The following PTK2B variants were observed in gnomAD, a reference collection of about 807,000 sequenced individuals.
The protein encoded by PTK2B is protein-tyrosine kinase 2-beta.
In PTK2B, 71 loss-of-function variants were observed where a neutral mutation model predicts 142.9. The ratio of observed to expected loss-of-function variants is 0.50; its 90% CI spans 0.41 to 0.61. The LOEUF (loss-of-function observed/expected upper bound fraction) is 0.61. Ranked by LOEUF, PTK2B falls within the 20% of genes least tolerant of loss-of-function variation. PTK2B has a pLI of 0.00. For synonymous variants in PTK2B, 519 were observed against 503.4 expected (o/e 1.03, Z -0.42); for missense variants, 1,105 against 1,320.4 (o/e 0.84, Z 2.53).
chr8:27,359,118 A>G (rs889306030), intron 1 of PTK2B, among the ~76,000 whole-genome samples: 1 of 152,008 alleles, frequency 6.6e-6, no homozygotes, highest in Non-Finnish European at 1.5e-5. Flanking sequence ...TATTGCAAAT[A>G]TATATATTTT....
intron 1 of PTK2B, among the ~76,000 whole-genome samples, chr8:27,353,708 C>T (rs1303805259): frequency 6.6e-6 from 1 of 152,190 alleles, no homozygotes; most frequent in Non-Finnish European, 1.5e-5. Context: ...ATTTCTACTG[C>T]TCAGCTGCAT....
rs960598492 is a variant in PTK2B, at chr8:27,453,280, C to T, written c.2595+120C>T. ...AATCCAGTTCAGTGTCCTCATGATA[C>T]AGATGAAGCCCGGGGTTAGGGGGCG... On this transcript the variant is annotated intron_variant, in intron 28 of 30. Coordinates refer to ENST00000346049, the MANE Select transcript of PTK2B (RefSeq NM_173176.3). 18 of 1,346,778 alleles carry T rather than the reference C, an allele frequency of 1.3e-5. No individual in the cohort carries two copies. In the South Asian group the frequency reaches 2.3e-4, roughly 17 times the overall value. The allele number at this position is 1,346,778 out of a possible 1,614,324, so 83.4% of individuals were successfully genotyped here.
upstream of PTK2B, chr8:27,311,075 G>A: frequency 6.3e-7 from 1 of 1,596,492 alleles, no homozygotes; most frequent in Non-Finnish European, 8.5e-7. Flanking sequence ...GCAGGTGGGC[G>A]ACACCTGCAC....
intron 1 of PTK2B, among the ~76,000 whole-genome samples, chr8:27,369,990 A>G (rs1280420673): frequency 6.6e-6 from 1 of 152,240 alleles, no homozygotes; most frequent in African/African-American, 2.4e-5. Context: ...AAAGAAAGAA[A>G]GAACTTAAGT....
At chr8:27,375,511 G>A (rs1806612196) in intron 1 of PTK2B, among the ~76,000 whole-genome samples, 2 of 152,184 alleles carry the variant, frequency 1.3e-5, no homozygotes, top group African/African-American at 2.4e-5. Context: ...GTTCTGACCT[G>A]TAGATCCAGG....
At chr8:27,395,000 C>T (rs1262419882) in intron 1 of PTK2B, among the ~76,000 whole-genome samples, 5 of 152,162 alleles carry the variant, frequency 3.3e-5, no homozygotes, top group Admixed American at 1.3e-4. Context: ...GCTGTCATCG[C>T]GTATGAGAGT....
At chr8:27,443,967 C>T (rs1054408627) in intron 22 of PTK2B, among the ~76,000 whole-genome samples, 1 of 152,228 alleles carries the variant, frequency 6.6e-6, no homozygotes. Context: ...CAATCATTAA[C>T]CCTCCAATTA....
chr8:27,318,242 A>G (rs886919462), intron 3 of PTK2B, among the ~76,000 whole-genome samples: 1 of 152,166 alleles, frequency 6.6e-6, no homozygotes, highest in African/African-American at 2.4e-5. Flanking sequence ...GCCTGCAGCA[A>G]TCTGCTTTCA....
upstream of PTK2B, among the ~76,000 whole-genome samples, chr8:27,321,738 T>C (rs1803221578): frequency 6.6e-6 from 1 of 152,204 alleles, no homozygotes; most frequent in South Asian, 2.1e-4. Flanking sequence ...CAAGGGAGAC[T>C]GGGAAATGTA....
chr8:27,318,577 C>T (rs1028218507), intron 3 of PTK2B, among the ~76,000 whole-genome samples: 7 of 152,164 alleles, frequency 4.6e-5, no homozygotes, highest in Admixed American at 3.3e-4. Context: ...GAAGCGTGCC[C>T]AATAGCTGCG....
Position 27,419,901 on chromosome 8 carries a change from A to G in PTK2B, c.211A>G (p.Ile71Val). The change falls in exon 3 of 31, where the codon ATC becomes GTC. Residue 71 changes from isoleucine to valine, a missense_variant. By Grantham distance (29) the Ile-to-Val change is conservative (BLOSUM62 3). Coordinates refer to ENST00000346049, the MANE Select transcript of PTK2B (RefSeq NM_173176.3). The part of the protein sequence containing the change: ...CTVQTEIREI[I>V]TSILLSGRIG... ...TCTCTCTTCTCCTCTGCAGGAGATC[A>G]TCACCTCCATCCTGCTGAGCGGGCG... 6.2e-7 allele frequency: 1 copy of G among 1,613,620 alleles called. No homozygotes were observed. The highest frequency in any genetic ancestry group is 8.5e-7 in the Non-Finnish European group (1 of 1,179,552).
At chr8:27,330,059 T>G (rs1563464107) in intron 1 of PTK2B, among the ~76,000 whole-genome samples, 1 of 152,120 alleles carries the variant, frequency 6.6e-6, no homozygotes, top group East Asian at 1.9e-4. Flanking sequence ...TTGTGGAGTC[T>G]GGGGGTGGAA....
At chr8:27,361,264 G>A (rs1805685529) in intron 1 of PTK2B, among the ~76,000 whole-genome samples, 1 of 152,042 alleles carries the variant, frequency 6.6e-6, no homozygotes, top group Non-Finnish European at 1.5e-5. Context: ...TGTTGCCCAG[G>A]CTGGAGTGCA....
At chr8:27,358,047 A>C (rs1406607285) in intron 1 of PTK2B, among the ~76,000 whole-genome samples, 3 of 152,338 alleles carry the variant, frequency 2.0e-5, no homozygotes, top group Admixed American at 2.0e-4. Flanking sequence ...ATGGGGTTGC[A>C]TAAGAAGGTT....
chr8:27,421,100 TA>T (rs1809718726), intron 4 of PTK2B, among the ~76,000 whole-genome samples: 1 of 152,200 alleles, frequency 6.6e-6, no homozygotes, highest in South Asian at 2.1e-4. Context: ...TGCCATTCAC[TA>T]ATCTGATAGC....
At chr8:27,391,243 C>A (rs1428235603) in intron 1 of PTK2B, among the ~76,000 whole-genome samples, 2 of 151,980 alleles carry the variant, frequency 1.3e-5, no homozygotes, top group African/African-American at 4.8e-5. Context: ...ATTACAGGCA[C>A]GTGCCACCAC....
At chr8:27,429,138 G>A (rs955890464) in intron 5 of PTK2B, among the ~76,000 whole-genome samples, 4 of 152,214 alleles carry the variant, frequency 2.6e-5, no homozygotes, top group South Asian at 4.1e-4. Flanking sequence ...ATCTCTTGAC[G>A]TTGTGATTTG....
chr8:27,372,035 G>A (rs1458524210), intron 1 of PTK2B, among the ~76,000 whole-genome samples: 1 of 152,180 alleles, frequency 6.6e-6, no homozygotes, highest in African/African-American at 2.4e-5. Flanking sequence ...GCATAAGAAA[G>A]CATATATGCA....
intron 1 of PTK2B, chr8:27,395,966 A>G (rs937085607): frequency 6.6e-6 from 1 of 152,206 alleles, no homozygotes; most frequent in African/African-American, 2.4e-5. Flanking sequence ...GGATACCTCT[A>G]GAATAGACAG....
Sources: gnomAD v4.1 joint callset for allele counts (sites outside exome capture counted in the v4.1 genomes callset) on GRCh38, gnomAD v4.1.1 for gene constraint, MANE v1.5 for transcripts, NCBI Gene and HGNC (gene_info 2026-07-23, HGNC 2026-07-21) for gene names.